The following SLC5A11 variants were observed in gnomAD, a reference collection of about 807,000 sequenced individuals.
SLC5A11 encodes sodium/myo-inositol cotransporter 2.
SLC5A11 carries 48 observed loss-of-function variants against 69.8 expected under a neutral mutation model. The ratio of observed to expected loss-of-function variants is 0.69; its 90% CI spans 0.55 to 0.87. The LOEUF is 0.87. SLC5A11 is among the 40% of genes least tolerant of loss of function. SLC5A11 has a pLI of 0.00. For synonymous variants in SLC5A11, 319 were observed against 342.4 expected (o/e 0.93, Z 0.75); for missense variants, 784 against 866.1 (o/e 0.91, Z 1.19).
chr16:24,901,077 C>G (rs115301230), intron 10 of SLC5A11, among the ~76,000 whole-genome samples: 1 of 152,074 alleles, frequency 6.6e-6, no homozygotes, highest in Non-Finnish European at 1.5e-5. Context: ...TTTGCTCTGC[C>G]GCTTATGAGG....
chr16:24,869,315 G>A (rs563554639), intron 3 of SLC5A11, among the ~76,000 whole-genome samples: 4 of 152,170 alleles, frequency 2.6e-5, no homozygotes, highest in East Asian at 3.9e-4. Flanking sequence ...CAAGGGACCC[G>A]CAGAGACGGT....
At chr16:24,906,840 G>A (rs2050102906) in intron 11 of SLC5A11, 76 bp downstream of exon 12, 7 of 1,448,652 alleles carry the variant, frequency 4.8e-6, no homozygotes, top group Non-Finnish European at 6.6e-6. Flanking sequence ...TCTGATCCAA[G>A]GCAGGGTCAA....
In SLC5A11 at chr16:24,890,945, C is replaced by T. The variant is rs1408886854; in HGVS notation, c.741C>T (p.Asn247=). ...CCCTGGCTAGCAACCGGAGTGAGAACAGCAGCTGCGGGCTGCCCCGGGAAG... is the reference window on the plus strand; with the variant it reads ...CCCTGGCTAGCAACCGGAGTGAGAATAGCAGCTGCGGGCTGCCCCGGGAAG... Residue 247 remains asparagine (N), a synonymous_variant, in exon 9 of 16, where the codon AAC becomes AAT. Transcript: ENST00000347898. 6 of 1,614,196 alleles carry T rather than the reference C, an allele frequency of 3.7e-6. No homozygotes were observed. In the Admixed American group the frequency reaches 1.0e-4, roughly 27 times the overall value.
chr16:24,877,276 G>T, exon 7 of SLC5A11: 1 of 1,614,036 alleles, frequency 6.2e-7, no homozygotes, highest in African/African-American at 1.3e-5. Context: ...GTATGCAGGT[G>T]CCATCTTCAT....
intron 15 of SLC5A11, among the ~76,000 whole-genome samples, chr16:24,910,742 T>C (rs546395533): frequency 6.6e-6 from 1 of 152,302 alleles, no homozygotes; most frequent in Non-Finnish European, 1.5e-5. Context: ...ATTTCATCCT[T>C]ATTCTCTGCA....
intron 10 of SLC5A11, among the ~76,000 whole-genome samples, chr16:24,902,312 A>C (rs1161916661): frequency 6.6e-6 from 1 of 152,000 alleles, no homozygotes; most frequent in Non-Finnish European, 1.5e-5. Flanking sequence ...AATGGATTGA[A>C]TGTAAAGGTT....
intron 2 of SLC5A11, chr16:24,862,088 T>G (rs1192853136): frequency 6.6e-6 from 1 of 152,256 alleles, no homozygotes; most frequent in Non-Finnish European, 1.5e-5. Context: ...AGAAACAAAT[T>G]TCTGTTGTTT....
At chr16:24,865,557 A>G (rs879527724) in intron 3 of SLC5A11, among the ~76,000 whole-genome samples, 25 of 152,260 alleles carry the variant, frequency 1.6e-4, no homozygotes, top group Middle Eastern at 6.8e-3. Context: ...ACTCCATCTC[A>G]AAAAAAGAAA....
intron 13 of SLC5A11, 102 bp from the exon 15 acceptor site, chr16:24,908,779 A>G (rs1296260443): frequency 4.8e-6 from 5 of 1,035,690 alleles, no homozygotes; most frequent in Non-Finnish European, 7.0e-6. Context: ...CCGTGCTTGC[A>G]GTGACCACCA....
chr16:24,911,208 G>GTGGA, intron 15 of SLC5A11, 120 bp from the exon 17 acceptor site: 1 of 796,796 alleles, frequency 1.3e-6, no homozygotes, highest in Non-Finnish European at 2.1e-6. Context: ...GTCGGGCATA[G>GTGGA]TGGATGGTGG....
intron 5 of SLC5A11, 82 bp downstream of exon 6, chr16:24,872,301 C>A: frequency 1.3e-6 from 2 of 1,484,398 alleles, no homozygotes; most frequent in East Asian, 2.3e-5. Context: ...CTCATCCCGC[C>A]ATCCCTCCCT....
At chr16:24,864,832 T>C (rs2152278588) in intron 3 of SLC5A11, among the ~76,000 whole-genome samples, 1 of 152,046 alleles carries the variant, frequency 6.6e-6, no homozygotes, top group South Asian at 2.1e-4. Flanking sequence ...GTGGAAATTA[T>C]GGAGTTGGAA....
chr16:24,891,077 A>G lies in SLC5A11; in HGVS notation c.870+3A>G, dbSNP rs1479182792. On this transcript the variant is annotated splice_donor_region_variant and intron_variant, in intron 9 of 15. Transcript: ENST00000347898. ...TCTGGTACTGGTGCACGGATCAGGT[A>G]CAGGACAGTGGCCTGAGCAAGTTTT... The G allele has an allele frequency of 5.6e-6, 9 of 1,613,310 alleles. No individual in the cohort carries two copies. Among genetic ancestry groups the G allele is most frequent in the Non-Finnish European group, 5.9e-6 (7 of 1,179,546 alleles).
In SLC5A11 at chr16:24,869,926, A is replaced by G. The variant is rs140183762; in HGVS notation, c.233A>G (p.Asn78Ser). The G allele has an allele frequency of 5.7e-5, 92 of 1,613,954 alleles. 1 individual carries two copies. The highest frequency in any genetic ancestry group is 7.3e-5 in the Non-Finnish European group (86 of 1,179,968). ...GTGGGTGCATCCTTGTTTGCCAGCA[A>G]TGTTGGAAGTGGACATTTCATTGGC... Residue 78 changes from asparagine to serine, a missense_variant, in exon 4 of 16, where the codon AAT becomes AGT. Coordinates refer to ENST00000347898, the Ensembl canonical transcript of SLC5A11.
At chr16:24,854,525 G>A (rs1057508345) in intron 1 of SLC5A11, among the ~76,000 whole-genome samples, 1 of 152,124 alleles carries the variant, frequency 6.6e-6, no homozygotes, top group Middle Eastern at 3.4e-3. Context: ...CGCCTCCCGG[G>A]TTCAAGCGAT....
chr16:24,887,669 A>G (rs780710946), intron 8 of SLC5A11, among the ~76,000 whole-genome samples: 6 of 152,202 alleles, frequency 3.9e-5, no homozygotes, highest in Non-Finnish European at 7.4e-5. Context: ...AAAATTCCCT[A>G]TTGAAAGACA....
chr16:24,906,876 G>A, intron 11 of SLC5A11, 112 bp downstream of exon 12: 1 of 1,385,242 alleles, frequency 7.2e-7, no homozygotes, highest in Non-Finnish European at 9.9e-7. Flanking sequence ...GGGGGAGGAA[G>A]ACTCTGGGCT....
At chr16:24,895,520 TAGGAA>T (rs1430812841) in intron 9 of SLC5A11, among the ~76,000 whole-genome samples, 2 of 137,402 alleles carry the variant, frequency 1.5e-5, no homozygotes, top group African/African-American at 5.5e-5. Flanking sequence ...GAAAAAAAAG[TAGGAA>T]AGGAGAGGAG....
intron 1 of SLC5A11, among the ~76,000 whole-genome samples, chr16:24,855,817 G>A (rs1475624943): frequency 6.6e-6 from 1 of 152,158 alleles, no homozygotes; most frequent in Non-Finnish European, 1.5e-5. Context: ...TCTGCTGACA[G>A]CTCGATCTTG....
Sources: allele counts gnomAD v4.1 joint callset (sites outside exome capture counted in the v4.1 genomes callset), GRCh38; gene constraint gnomAD v4.1.1; transcripts MANE v1.5; gene names NCBI Gene and HGNC (gene_info 2026-07-23, HGNC 2026-07-21).